HMGCLL1: variants seen among roughly 807,000 people sequenced by gnomAD.
The protein encoded by HMGCLL1 is 3-hydroxymethyl-3-methylglutaryl-CoA lyase, cytoplasmic.
HMGCLL1 carries 36 observed loss-of-function variants against 39.1 expected under a neutral mutation model. The observed-to-expected ratio is 0.92, with a 90% CI of 0.71 to 1.22. HMGCLL1 has a LOEUF of 1.22. Among genes scored for constraint, HMGCLL1 ranks in the 50% most tolerant of loss-of-function variants. The pLI is 0.00. For synonymous variants in HMGCLL1, 149 were observed against 144.0 expected (o/e 1.03, Z -0.25); for missense variants, 451 against 416.5 (o/e 1.08, Z -0.72).
intron 7 of HMGCLL1, among the ~76,000 whole-genome samples, chr6:55,470,171 G>A (rs1764985680): frequency 6.6e-6 from 1 of 151,896 alleles, no homozygotes. Context: ...TTGAACCACT[G>A]AAACCCAGAA....
chr6:55,635,360 G>A, the HMGCLL1 span, among the ~76,000 whole-genome samples: 1 of 151,934 alleles, frequency 6.6e-6, no homozygotes, highest in Admixed American at 6.6e-5. Flanking sequence ...AAACATTGCA[G>A]AACTAGGGAC....
Position 55,435,396 on chromosome 6 carries a change from A to G in HMGCLL1, c.*266T>C, listed in dbSNP as rs997678446. ...TTCCCATCTACTAAATTAAAAAGTTATTTCTATGAGAGCAAAAGAAACTTT... is the reference window on the plus strand; with the variant it reads ...TTCCCATCTACTAAATTAAAAAGTTGTTTCTATGAGAGCAAAAGAAACTTT... On this transcript the variant is annotated 3_prime_UTR_variant, in exon 9 of 9. Transcript: ENST00000274901. The G allele has an allele frequency of 1.4e-5, 4 of 286,216 alleles. No homozygotes were observed. The highest frequency in any genetic ancestry group is 8.8e-5 in the African/African-American group (4 of 45,336). The allele number at this position is 286,216 out of a possible 1,614,324, so 17.7% of individuals were successfully genotyped here.
intron 5 of HMGCLL1, among the ~76,000 whole-genome samples, chr6:55,505,625 A>C (rs1385114375): frequency 6.6e-6 from 1 of 151,620 alleles, no homozygotes; most frequent in African/African-American, 2.4e-5. Flanking sequence ...ATTTCTCCTA[A>C]GCCTACTATT....
chr6:55,618,143 A>G, the HMGCLL1 span, among the ~76,000 whole-genome samples: 2 of 152,116 alleles, frequency 1.3e-5, no homozygotes, highest in Non-Finnish European at 2.9e-5. Context: ...TAATTATAAT[A>G]AAAATCAGGA....
At chr6:55,535,740 C>T (rs554612728) in intron 3 of HMGCLL1, among the ~76,000 whole-genome samples, 1 of 152,230 alleles carries the variant, frequency 6.6e-6, no homozygotes, top group African/African-American at 2.4e-5. Flanking sequence ...GAGGCCAACT[C>T]ATCTGGATAA....
chr6:55,536,250 G>GT (rs1769017759), intron 3 of HMGCLL1, among the ~76,000 whole-genome samples: 2 of 152,108 alleles, frequency 1.3e-5, no homozygotes, highest in African/African-American at 4.8e-5. Context: ...ATTCCCTGGT[G>GT]TTGGGACTTG....
chr6:55,540,922 G>A (rs1415765510), intron 3 of HMGCLL1, among the ~76,000 whole-genome samples: 1 of 152,094 alleles, frequency 6.6e-6, no homozygotes, highest in Non-Finnish European at 1.5e-5. Flanking sequence ...AAACTAAGAG[G>A]TCATGAAAGA....
At chr6:55,526,974 T>A (rs1768355440) in intron 3 of HMGCLL1, among the ~76,000 whole-genome samples, 1 of 151,984 alleles carries the variant, frequency 6.6e-6, no homozygotes, top group Admixed American at 6.6e-5. Context: ...AACTAGATAG[T>A]GATATTAGAA....
chr6:55,538,764 C>T lies in HMGCLL1; in HGVS notation c.297+2965G>A, dbSNP rs139341635. On this transcript the variant is annotated intron_variant, in intron 3 of 8. Transcript: ENST00000274901. ...TGTACAGTGATAAGTAGAAGATAAA[C>T]GATACATGATCACTACTTTTAAAAT... Among the ~76,000 whole-genome samples the T allele has an allele frequency of 3.6e-3, 547 of 151,918 alleles. 4 individuals are homozygous for T. Among genetic ancestry groups the T allele is most frequent in the African/African-American group, 0.012 (515 of 41,430 alleles).
chr6:55,660,901 A>G, the HMGCLL1 span, among the ~76,000 whole-genome samples: 3 of 151,912 alleles, frequency 2.0e-5, no homozygotes, highest in African/African-American at 7.2e-5. Context: ...TTGACTCTTA[A>G]TAATAGTCAT....
At chr6:55,615,661 C>T in the HMGCLL1 span, among the ~76,000 whole-genome samples, 1 of 152,066 alleles carries the variant, frequency 6.6e-6, no homozygotes, top group Non-Finnish European at 1.5e-5. Flanking sequence ...TAGACTATTT[C>T]TGAATAATAG....
At chr6:55,531,292 G>GACTA (rs982108518) in intron 3 of HMGCLL1, among the ~76,000 whole-genome samples, 1 of 152,102 alleles carries the variant, frequency 6.6e-6, no homozygotes, top group Admixed American at 6.6e-5. Context: ...TTTATCAACA[G>GACTA]ACTAATCACA....
the HMGCLL1 span, among the ~76,000 whole-genome samples, chr6:55,672,647 CTGAACATTAGCCT>C: frequency 6.6e-6 from 1 of 151,896 alleles, no homozygotes; most frequent in Admixed American, 6.6e-5. Flanking sequence ...TGGCTTGTTA[CTGAACATTAGCCT>C]TGAACATAAG....
At chr6:55,525,104 G>T (rs1447416343) in intron 3 of HMGCLL1, among the ~76,000 whole-genome samples, 1 of 151,668 alleles carries the variant, frequency 6.6e-6, no homozygotes, top group East Asian at 1.9e-4. Flanking sequence ...ATCATTCAAA[G>T]ACAGCTCTGC....
At chr6:55,621,562 G>C in the HMGCLL1 span, among the ~76,000 whole-genome samples, 3 of 151,558 alleles carry the variant, frequency 2.0e-5, no homozygotes, top group African/African-American at 7.3e-5. Flanking sequence ...CTCCTTATGA[G>C]ACTCTAATGC....
chr6:55,619,960 C>T, the HMGCLL1 span, among the ~76,000 whole-genome samples: 1 of 152,080 alleles, frequency 6.6e-6, no homozygotes, highest in Admixed American at 6.6e-5. Context: ...CTGTGCCTGG[C>T]TTATATCGCT....
intron 3 of HMGCLL1, among the ~76,000 whole-genome samples, chr6:55,522,723 A>C (rs748274820): frequency 1.3e-5 from 2 of 151,986 alleles, no homozygotes; most frequent in Non-Finnish European, 2.9e-5. Context: ...TGTCATTTCT[A>C]TGTTTACTAT....
chr6:55,567,375 T>TA (rs1211967701), intron 1 of HMGCLL1, among the ~76,000 whole-genome samples: 4 of 152,018 alleles, frequency 2.6e-5, no homozygotes, highest in Non-Finnish European at 5.9e-5. Flanking sequence ...AGATAATAGT[T>TA]ATAGTTTTAT....
chr6:55,437,496 G>A (rs1051409817), intron 8 of HMGCLL1, among the ~76,000 whole-genome samples: 1 of 151,970 alleles, frequency 6.6e-6, no homozygotes, highest in Non-Finnish European at 1.5e-5. Context: ...TATACAAAAT[G>A]TATAAAAGAG....
Sources: gnomAD v4.1 joint callset for allele counts (sites outside exome capture counted in the v4.1 genomes callset) on GRCh38, gnomAD v4.1.1 for gene constraint, MANE v1.5 for transcripts, NCBI Gene and HGNC (gene_info 2026-07-23, HGNC 2026-07-21) for gene names.